GFRA1: variants seen among roughly 807,000 people sequenced by gnomAD.
The protein encoded by GFRA1 is GDNF family receptor alpha-1.
In GFRA1, 16 loss-of-function variants were observed where a neutral mutation model predicts 51.6. The observed-to-expected ratio is 0.31, with a 90% CI of 0.21 to 0.47. The LOEUF (loss-of-function observed/expected upper bound fraction) is 0.47, where lower values mean the gene tolerates loss of function less well. Among genes scored for constraint, GFRA1 ranks in the 20% least tolerant of loss-of-function variants. GFRA1 has a pLI of 1.00. For missense variants in GFRA1, 530 were observed against 594.3 expected, an observed-to-expected ratio of 0.89 and a Z score of 1.13; for synonymous variants, 270 against 241.3, an observed-to-expected ratio of 1.12 and a Z score of -1.10.
chr10:116,207,802 C>T (rs763474974), intron 5 of GFRA1, among the ~76,000 whole-genome samples: 3 of 152,058 alleles, frequency 2.0e-5, no homozygotes, highest in Non-Finnish European at 2.9e-5. Flanking sequence ...TCAGGCAAAG[C>T]GAGCAGAAAG....
At chr10:116,196,832 A>AAT (rs201525394) in intron 5 of GFRA1, among the ~76,000 whole-genome samples, 28 of 80,380 alleles carry the variant, frequency 3.5e-4, no homozygotes, top group South Asian at 1.6e-3. Context: ...AATACTTATA[A>AAT]ATATATATAT....
intron 10 of GFRA1, among the ~76,000 whole-genome samples, chr10:116,064,834 C>A (rs907596411): frequency 1.3e-5 from 2 of 152,218 alleles, no homozygotes; most frequent in Admixed American, 6.5e-5. Context: ...AGTTCAGGTA[C>A]CCCTGTCATT....
intron 5 of GFRA1, among the ~76,000 whole-genome samples, chr10:116,154,197 T>C (rs1350699594): frequency 6.6e-6 from 1 of 152,180 alleles, no homozygotes; most frequent in Non-Finnish European, 1.5e-5. Context: ...AAGCTGAATA[T>C]AAGCATTCTC....
intron 6 of GFRA1, among the ~76,000 whole-genome samples, chr10:116,122,331 C>T (rs1206717610): frequency 2.0e-5 from 3 of 152,128 alleles, no homozygotes; most frequent in Non-Finnish European, 2.9e-5. Flanking sequence ...CCAGGAAGAT[C>T]GGGCAAAGTC....
intron 9 of GFRA1, among the ~76,000 whole-genome samples, chr10:116,074,715 C>G (rs1217145069): frequency 1.3e-5 from 2 of 152,130 alleles, no homozygotes; most frequent in African/African-American, 2.4e-5. Context: ...GTCTCATTTT[C>G]TTGGGTTTGA....
Position 116,142,883 on chromosome 10 carries a change from A to G in GFRA1, c.434-17326T>C, listed in dbSNP as rs1306904994. On this transcript the variant is annotated intron_variant, in intron 5 of 10. Transcript: ENST00000355422. ...CAACAGGGACTAGACTCCTCATAATAAAGATTAAAGCTGAAATTGGCCTTA... is the reference window on the plus strand; with the variant it reads ...CAACAGGGACTAGACTCCTCATAATGAAGATTAAAGCTGAAATTGGCCTTA... Among the ~76,000 whole-genome samples, 3 of 152,296 alleles carry G rather than the reference A, an allele frequency of 2.0e-5. No individual in the cohort carries two copies. In the East Asian group the frequency reaches 5.8e-4, roughly 29 times the overall value.
At chr10:116,189,551 G>A (rs1162692894) in intron 5 of GFRA1, among the ~76,000 whole-genome samples, 1 of 152,036 alleles carries the variant, frequency 6.6e-6, no homozygotes, top group Non-Finnish European at 1.5e-5. Context: ...CTAGATAAAT[G>A]AACTATCTTA....
intron 9 of GFRA1, among the ~76,000 whole-genome samples, chr10:116,085,595 A>G (rs1446838027): frequency 6.6e-6 from 1 of 152,148 alleles, no homozygotes; most frequent in African/African-American, 2.4e-5. Flanking sequence ...GGGGAGAATT[A>G]GTCTCCTGGG....
chr10:116,196,859 T>C (rs12572230), intron 5 of GFRA1, among the ~76,000 whole-genome samples: 64,596 of 135,118 alleles, frequency 0.48, 16,806 homozygotes, highest in Middle Eastern at 0.6. Context: ...TTTTTTTCCC[T>C]CCCACAGTTC....
At chr10:116,071,587 G>C (rs1027583712) in intron 9 of GFRA1, among the ~76,000 whole-genome samples, 2 of 152,180 alleles carry the variant, frequency 1.3e-5, no homozygotes, top group Non-Finnish European at 2.9e-5. Context: ...GAAGCTGACA[G>C]ACAGGCTCCA....
At chr10:116,219,287 T>G (rs758944739) in intron 4 of GFRA1, among the ~76,000 whole-genome samples, 1 of 152,228 alleles carries the variant, frequency 6.6e-6, no homozygotes, top group Non-Finnish European at 1.5e-5. Flanking sequence ...CTGTATACTA[T>G]GAAAGTTATG....
chr10:116,247,961 C>A (rs990077122), intron 4 of GFRA1, among the ~76,000 whole-genome samples: 11 of 152,100 alleles, frequency 7.2e-5, no homozygotes, highest in African/African-American at 2.7e-4. Flanking sequence ...CTTCAGCTTT[C>A]CCTGTAATAG....
chr10:116,221,491 C>G (rs771362583), intron 4 of GFRA1, among the ~76,000 whole-genome samples: 1 of 152,122 alleles, frequency 6.6e-6, no homozygotes, highest in Non-Finnish European at 1.5e-5. Context: ...GGGGTGCGAT[C>G]TCGGCTCACT....
At chr10:116,181,763 G>A (rs1962246534) in intron 5 of GFRA1, among the ~76,000 whole-genome samples, 1 of 152,014 alleles carries the variant, frequency 6.6e-6, no homozygotes, top group African/African-American at 2.4e-5. Context: ...TCTGCCTCCT[G>A]AATAGCTGGG....
intron 5 of GFRA1, among the ~76,000 whole-genome samples, chr10:116,169,805 T>A (rs1350217163): frequency 6.6e-6 from 1 of 152,132 alleles, no homozygotes; most frequent in Non-Finnish European, 1.5e-5. Context: ...AGGACCCAGG[T>A]GCGGGTGCAA....
In GFRA1 at chr10:116,269,449, G is replaced by A; in HGVS notation, c.418+54C>T. ...TCTTTGAGAGCCAAAGAGAATGCAA[G>A]CCAACGAATTCAAGCACACAAAGGC... On this transcript the variant is annotated intron_variant, in intron 4 of 10. Transcript: ENST00000355422. The A allele has an allele frequency of 3.0e-6, 3 of 994,588 alleles. No homozygotes were observed. The South Asian group carries it at 3.8e-5, about 13-fold the overall frequency. 61.6% of individuals were successfully genotyped at this position (994,588 alleles called of 1,614,324 possible).
At chr10:116,254,239 G>A (rs1009286649) in intron 4 of GFRA1, among the ~76,000 whole-genome samples, 16 of 148,988 alleles carry the variant, frequency 1.1e-4, no homozygotes, top group African/African-American at 3.2e-4. Flanking sequence ...GGATAATTTC[G>A]TGAACCTGGG....
At chr10:116,113,646 C>T (rs769945950) in intron 6 of GFRA1, among the ~76,000 whole-genome samples, 1 of 152,160 alleles carries the variant, frequency 6.6e-6, no homozygotes, top group Non-Finnish European at 1.5e-5. Context: ...GTGCGGCATT[C>T]GGCAACATGA....
chr10:116,232,378 T>C (rs970497404), intron 4 of GFRA1, among the ~76,000 whole-genome samples: 4 of 152,196 alleles, frequency 2.6e-5, no homozygotes, highest in Non-Finnish European at 5.9e-5. Context: ...CCTTTAAATA[T>C]ACACCATTTG....
Sources: allele counts gnomAD v4.1 joint callset (sites outside exome capture counted in the v4.1 genomes callset), GRCh38; gene constraint gnomAD v4.1.1; transcripts MANE v1.5; gene names NCBI Gene and HGNC (gene_info 2026-07-23, HGNC 2026-07-21).